The following OPCML variants were observed in gnomAD, a reference collection of about 807,000 sequenced individuals.
OPCML encodes the protein opioid binding protein/cell adhesion molecule like, also known as opioid-binding protein/cell adhesion molecule.
A neutral mutation model predicts 37.8 loss-of-function variants in OPCML; 13 were observed. The observed-to-expected ratio is 0.34, with a 90% CI of 0.22 to 0.55. OPCML has a LOEUF of 0.55. Ranked by LOEUF, OPCML falls within the 20% of genes least tolerant of loss-of-function variation. OPCML has a pLI of 0.91. For synonymous variants in OPCML, 176 were observed against 168.8 expected (o/e 1.04, Z -0.33); for missense variants, 341 against 435.6 (o/e 0.78, Z 1.93).
intron 1 of OPCML, among the ~76,000 whole-genome samples, chr11:133,313,160 G>A (rs994934153): frequency 3.9e-5 from 6 of 152,108 alleles, no homozygotes; most frequent in African/African-American, 1.2e-4. Flanking sequence ...ATAAATGCAC[G>A]GAGCAGCAAA....
rs1384202815 is a variant in OPCML, at chr11:133,140,787, CGAA to C, written c.62-197780_62-197778del. The stretch of plus-strand genomic sequence containing the variant: ...ACGAAGAAGAAGAAGAAGAAGACGA[CGAA>C]GAAGAAGAAGAAGAAGACGACGACG... On this transcript the variant is annotated intron_variant, in intron 1 of 7. Coordinates refer to ENST00000524381, the MANE Select transcript of OPCML (RefSeq NM_001012393.5). Among the ~76,000 whole-genome samples the C allele has an allele frequency of 9.9e-3, 1,173 of 118,942 alleles. 251 individuals are homozygous for C. Among genetic ancestry groups the C allele is most frequent in the African/African-American group, 0.041 (1,088 of 26,250 alleles). The allele number at this position is 118,942 out of a possible 152,430, so 78.0% of individuals were successfully genotyped here.
At chr11:133,375,611 C>A (rs1944785142) in intron 1 of OPCML, among the ~76,000 whole-genome samples, 1 of 152,138 alleles carries the variant, frequency 6.6e-6, no homozygotes. Context: ...GGCACTGAAC[C>A]TGGGATCTCC....
chr11:132,644,755 A>G (rs1176992450), intron 3 of OPCML, among the ~76,000 whole-genome samples: 1 of 152,192 alleles, frequency 6.6e-6, no homozygotes, highest in East Asian at 1.9e-4. Flanking sequence ...GTGGTAATGA[A>G]CCAATCCAAG....
intron 1 of OPCML, among the ~76,000 whole-genome samples, chr11:133,443,689 TTG>T (rs1057508333): frequency 1.3e-5 from 2 of 152,192 alleles, no homozygotes; most frequent in African/African-American, 4.8e-5. Context: ...ATGTTAAGCG[TTG>T]TGTGTGCAGC....
At chr11:132,816,776 TAAC>T in intron 2 of OPCML, among the ~76,000 whole-genome samples, 1 of 152,304 alleles carries the variant, frequency 6.6e-6, no homozygotes, top group African/African-American at 2.4e-5. Flanking sequence ...AGGATAGAGA[TAAC>T]AACTCTTCTC....
chr11:132,600,857 T>A (rs1937827711), intron 3 of OPCML, among the ~76,000 whole-genome samples: 1 of 142,906 alleles, frequency 7.0e-6, no homozygotes, highest in Admixed American at 7.0e-5. Context: ...TTTTTTTTTT[T>A]TTTTTTTGTA....
intron 3 of OPCML, among the ~76,000 whole-genome samples, chr11:132,638,750 C>T (rs1036913209): frequency 4.6e-5 from 7 of 152,094 alleles, no homozygotes; most frequent in East Asian, 3.9e-4. Context: ...GTTTTCCATA[C>T]CCCTATGATT....
intron 1 of OPCML, among the ~76,000 whole-genome samples, chr11:133,029,505 G>T (rs1462763453): frequency 1.3e-5 from 2 of 152,178 alleles, no homozygotes; most frequent in Admixed American, 1.3e-4. Context: ...TAAAGAAGAT[G>T]TGCTACATAT....
chr11:133,118,041 C>T, intron 1 of OPCML: 1 of 705,842 alleles, frequency 1.4e-6, no homozygotes, highest in Middle Eastern at 7.3e-4. Context: ...TGAAGTTTCC[C>T]CAGCAGGTGA....
intron 1 of OPCML, chr11:133,299,065 T>C (rs1393884850): frequency 6.6e-6 from 1 of 152,142 alleles, no homozygotes; most frequent in Non-Finnish European, 1.5e-5. Context: ...TGAAAAGTAA[T>C]TATAGCCTTA....
At chr11:133,307,612 A>G (rs936126733) in intron 1 of OPCML, among the ~76,000 whole-genome samples, 84 of 152,124 alleles carry the variant, frequency 5.5e-4, no homozygotes, top group African/African-American at 1.9e-3. Flanking sequence ...CTGACCCTCC[A>G]TATTAGACCC....
At chr11:132,843,720 G>A (rs575373070) in intron 2 of OPCML, among the ~76,000 whole-genome samples, 2 of 152,168 alleles carry the variant, frequency 1.3e-5, no homozygotes, top group Non-Finnish European at 2.9e-5. Flanking sequence ...GTGGCAGAAG[G>A]TCTGTATGTG....
chr11:133,439,355 C>G (rs1946310492), intron 1 of OPCML: 3 of 985,170 alleles, frequency 3.0e-6, no homozygotes, highest in Non-Finnish European at 3.6e-6. Flanking sequence ...AAACCAAACT[C>G]CACCATGCCA....
chr11:132,942,834 G>A, intron 2 of OPCML, 92 bp downstream of exon 2: 3 of 1,521,434 alleles, frequency 2.0e-6, no homozygotes, highest in African/African-American at 1.4e-5. Context: ...CTCGCGTTCC[G>A]GTCCCCCATG....
chr11:132,690,968 T>C (rs1238916508), intron 2 of OPCML, among the ~76,000 whole-genome samples: 3 of 152,146 alleles, frequency 2.0e-5, no homozygotes. Flanking sequence ...ACCTTTCAGG[T>C]TGACTCATTC....
At chr11:133,041,884 C>T (rs1439524725) in intron 1 of OPCML, among the ~76,000 whole-genome samples, 1 of 152,154 alleles carries the variant, frequency 6.6e-6, no homozygotes, top group Non-Finnish European at 1.5e-5. Flanking sequence ...GTGCTTAGAG[C>T]CCTCAAGAAG....
At chr11:133,239,527 G>T (rs911300725) in intron 1 of OPCML, among the ~76,000 whole-genome samples, 4 of 152,230 alleles carry the variant, frequency 2.6e-5, no homozygotes, top group African/African-American at 9.6e-5. Context: ...CCAGCCTCAG[G>T]TGCAAAGTGC....
chr11:132,621,636 G>A (rs764266275), intron 3 of OPCML, among the ~76,000 whole-genome samples: 3 of 152,174 alleles, frequency 2.0e-5, no homozygotes, highest in South Asian at 2.1e-4. Context: ...GGGAAAGGGC[G>A]TGATTAGAGC....
Position 133,276,827 on chromosome 11 carries a change from G to A in OPCML, c.61+255437C>T, listed in dbSNP as rs1470000184. ...TTTCTTTATCCAACCCTTCCCCAAC[G>A]ACTTTGCCCCAATTATTTTACTCTT... On this transcript the variant is annotated intron_variant, in intron 1 of 7. Coordinates refer to ENST00000524381, the MANE Select transcript of OPCML (RefSeq NM_001012393.5). Among the ~76,000 whole-genome samples the A allele has an allele frequency of 9.2e-5, 14 of 151,912 alleles. 1 individual carries two copies. Among genetic ancestry groups the A allele is most frequent in the Admixed American group, 9.2e-4 (14 of 15,248 alleles).
Sources: allele counts gnomAD v4.1 joint callset (sites outside exome capture counted in the v4.1 genomes callset), GRCh38; gene constraint gnomAD v4.1.1; transcripts MANE v1.5; gene names NCBI Gene and HGNC (gene_info 2026-07-23, HGNC 2026-07-21).